Variants in CA5B observed in about 807,000 individuals in gnomAD.
The protein encoded by CA5B is carbonic anhydrase 5B, mitochondrial.
A neutral mutation model predicts 23.1 loss-of-function variants in CA5B; 15 were observed. The observed-to-expected ratio is 0.65, with a 90% CI of 0.43 to 1.00. The LOEUF is 1.00. Among genes scored for constraint, CA5B ranks in the 50% least tolerant of loss-of-function variants. CA5B has a pLI of 0.00. For synonymous variants in CA5B, 84 were observed against 98.5 expected (o/e 0.85, Z 0.87); for missense variants, 236 against 252.2 (o/e 0.94, Z 0.43).
At chrX:15,781,641 G>C (rs911032469) in intron 7 of CA5B, among the ~76,000 whole-genome samples, 2 of 111,409 alleles carry the variant, frequency 1.8e-5, no homozygotes, top group African/African-American at 6.5e-5. Context: ...AGCCTGGTGT[G>C]GTAGCTCACA....
chrX:15,777,831 AGATT>A (rs1234268367), intron 7 of CA5B, among the ~76,000 whole-genome samples: 2 of 112,356 alleles, frequency 1.8e-5, no homozygotes, highest in Non-Finnish European at 3.8e-5. Flanking sequence ...TTGATAAAAG[AGATT>A]GATCTCAGTT....
At chrX:15,760,539 G>A (rs1235594238) in intron 2 of CA5B, among the ~76,000 whole-genome samples, 1 of 111,656 alleles carries the variant, frequency 9.0e-6, no homozygotes, top group Non-Finnish European at 1.9e-5. Context: ...TTCTTGGGCT[G>A]GTATTTGCAT....
rs1364678972 is a variant in CA5B, at chrX:15,784,705, A to G, written c.*2041A>G. Reference sequence around the variant, plus strand: ...TAGGAAGGAAACGGGACTACATCAAACTTAAAAATGTCTGTGTGTCAAAGG... The same window carrying G: ...TAGGAAGGAAACGGGACTACATCAAGCTTAAAAATGTCTGTGTGTCAAAGG... On this transcript the variant is annotated 3_prime_UTR_variant, in exon 8 of 8. Coordinates refer to ENST00000318636, the MANE Select transcript of CA5B (RefSeq NM_007220.4). 1 of 112,236 alleles carries G rather than the reference A, an allele frequency of 8.9e-6. No homozygotes were observed. Among genetic ancestry groups the G allele is most frequent in the African/African-American group, 3.2e-5 (1 of 30,904 alleles). The allele number at this position is 112,236 out of a possible 1,213,427, so 9.2% of individuals were successfully genotyped here.
chrX:15,774,804 C>T (rs747440480), intron 5 of CA5B, among the ~76,000 whole-genome samples: 3 of 111,633 alleles, frequency 2.7e-5, no homozygotes, highest in East Asian at 5.6e-4. Flanking sequence ...TGCCACTGCA[C>T]TCCAGCCTGG....
intron 2 of CA5B, among the ~76,000 whole-genome samples, chrX:15,761,576 C>A (rs1181078863): frequency 2.7e-5 from 3 of 112,522 alleles, no homozygotes; most frequent in Non-Finnish European, 5.6e-5. Context: ...TGGGTTCAGA[C>A]CTCTCCAGAG....
chrX:15,778,435 G>A (rs920101355), intron 7 of CA5B, among the ~76,000 whole-genome samples: 4 of 111,439 alleles, frequency 3.6e-5, no homozygotes, highest in East Asian at 2.8e-4. Context: ...AGAAAAATAC[G>A]GGATAATTAG....
At chrX:15,763,204 C>T (rs182064667) in intron 2 of CA5B, among the ~76,000 whole-genome samples, 2 of 112,213 alleles carry the variant, frequency 1.8e-5, no homozygotes, top group African/African-American at 6.5e-5. Context: ...TTACAGGATG[C>T]AGGCTACGCA....
chrX:15,747,519 G>A (rs769955609), intron 1 of CA5B, among the ~76,000 whole-genome samples: 16 of 109,666 alleles, frequency 1.5e-4, no homozygotes, highest in African/African-American at 2.0e-4. Flanking sequence ...ATGGCAGGAG[G>A]GGGGGTAGAA....
intron 4 of CA5B, 27 bp from the exon 5 acceptor site, chrX:15,774,275 G>GT (rs1931876301): frequency 8.4e-7 from 1 of 1,194,207 alleles, no homozygotes; most frequent in Non-Finnish European, 1.1e-6. Flanking sequence ...ATAGTCACGT[G>GT]TTAACCCTCT....
intron 3 of CA5B, among the ~76,000 whole-genome samples, chrX:15,765,532 A>G (rs1931688925): frequency 9.0e-6 from 1 of 110,791 alleles, no homozygotes; most frequent in Admixed American, 9.7e-5. Flanking sequence ...GATGATGTCA[A>G]ATAGTCCAAA....
In CA5B at chrX:15,757,612, G is replaced by T. The variant is rs145522202; in HGVS notation, c.143-6966G>T. 2.7e-5 allele frequency among the ~76,000 whole-genome samples: 3 copies of T among 109,833 alleles called. No individual in the cohort carries two copies. In the South Asian group the frequency reaches 1.2e-3, roughly 44 times the overall value. ...AATCCCAGCTACTCGGGAGGCTGAC[G>T]CAGGAAAATTGCTTGAACGCAGGAG... On this transcript the variant is annotated intron_variant, in intron 2 of 7. Coordinates refer to ENST00000318636, the MANE Select transcript of CA5B (RefSeq NM_007220.4).
In CA5B at chrX:15,749,983, C is replaced by T; in HGVS notation, c.-41C>T. 8.3e-7 allele frequency: 1 copy of T among 1,201,226 alleles called. No homozygotes were observed. Among genetic ancestry groups the T allele is most frequent in the Non-Finnish European group, 1.1e-6 (1 of 889,628 alleles). The stretch of plus-strand genomic sequence containing the variant: ...CTCATCCCTCTAGATTATTAAGTTC[C>T]TGCAACTTAACTGGGAACTGATCAA... On this transcript the variant is annotated 5_prime_UTR_variant, in exon 2 of 8. Transcript: ENST00000318636.
intron 2 of CA5B, among the ~76,000 whole-genome samples, chrX:15,761,780 C>T (rs1397374503): frequency 9.0e-6 from 1 of 111,083 alleles, no homozygotes; most frequent in Non-Finnish European, 1.9e-5. Flanking sequence ...CCTCTAACCA[C>T]TAGATGTCAC....
At chrX:15,754,067 A>G (rs1931441873) in intron 2 of CA5B, among the ~76,000 whole-genome samples, 1 of 111,982 alleles carries the variant, frequency 8.9e-6, no homozygotes, top group African/African-American at 3.2e-5. Flanking sequence ...TTTGAGTGTT[A>G]AAGCTGGTCA....
intron 2 of CA5B, among the ~76,000 whole-genome samples, chrX:15,763,921 A>G (rs183812243): frequency 7.9e-4 from 89 of 112,300 alleles, no homozygotes; most frequent in African/African-American, 2.0e-3. Context: ...GGACAGGAGC[A>G]GAAGAGTGTA....
At chrX:15,750,406 A>G in intron 2 of CA5B, 1 of 289,831 alleles carries the variant, frequency 3.5e-6, no homozygotes, top group Non-Finnish European at 6.1e-6. Flanking sequence ...TTGATTCATG[A>G]AAGTAAATGT....
chrX:15,749,741 G>A (rs1480310506), intron 1 of CA5B, among the ~76,000 whole-genome samples: 1 of 110,457 alleles, frequency 9.1e-6, no homozygotes, highest in Non-Finnish European at 1.9e-5. Flanking sequence ...CCAACCCTGA[G>A]GGAAAGGCAA....
intron 2 of CA5B, among the ~76,000 whole-genome samples, chrX:15,755,414 G>A (rs1366886022): frequency 8.9e-6 from 1 of 111,755 alleles, no homozygotes; most frequent in African/African-American, 3.3e-5. Flanking sequence ...GTGATTCTGC[G>A]ATCATCCTCA....
In CA5B at chrX:15,775,231, CTTG is replaced by C. The variant is rs767213376; in HGVS notation, c.556-9_556-7del. 12 of 1,152,436 alleles carry C rather than the reference CTTG, an allele frequency of 1.0e-5. No homozygotes were observed. The highest frequency in any genetic ancestry group is 3.6e-5 in the African/African-American group (2 of 56,177). 95.0% of individuals were successfully genotyped at this position (1,152,436 alleles called of 1,213,427 possible). Reference sequence around the variant, plus strand: ...GTCCATTGTTTGTAATATTTTCTTACTTGTTGTTCTTTAGCTAGGCAAACATCA... The same window carrying C: ...GTCCATTGTTTGTAATATTTTCTTACTTGTTCTTTAGCTAGGCAAACATCA... On this transcript the variant is annotated splice_polypyrimidine_tract_variant and intron_variant, in intron 5 of 7. Transcript: ENST00000318636.
Sources: allele counts gnomAD v4.1 joint callset (sites outside exome capture counted in the v4.1 genomes callset), GRCh38; gene constraint gnomAD v4.1.1; transcripts MANE v1.5; gene names NCBI Gene and HGNC (gene_info 2026-07-23, HGNC 2026-07-21).